SNAP91: variants seen among roughly 807,000 people sequenced by gnomAD.
SNAP91 encodes the protein synaptosome associated protein 91, also known as clathrin coat assembly protein AP180.
Under a neutral mutation model 100.3 loss-of-function variants are expected in SNAP91, and 27 were observed. That is an observed-to-expected ratio of 0.27 (90% CI 0.20 to 0.37). The LOEUF is 0.37. Among genes scored for constraint, SNAP91 ranks in the 10% least tolerant of loss-of-function variants. The probability of loss-of-function intolerance (pLI) is 1.00; values close to 1 mark genes in which losing one functional copy is unlikely to be tolerated. For synonymous variants in SNAP91, 404 were observed against 398.6 expected (o/e 1.01, Z -0.16); for missense variants, 986 against 1,123.7 (o/e 0.88, Z 1.75).
At chr6:83,555,062 T>C (rs1361780963) in intron 29 of SNAP91, among the ~76,000 whole-genome samples, 1 of 152,212 alleles carries the variant, frequency 6.6e-6, no homozygotes, top group Non-Finnish European at 1.5e-5. Flanking sequence ...CAGGCTGCTC[T>C]ATGCAGTTTC....
chr6:83,610,991 A>C (rs1562333015), intron 11 of SNAP91, among the ~76,000 whole-genome samples: 1 of 151,922 alleles, frequency 6.6e-6, no homozygotes, highest in Non-Finnish European at 1.5e-5. Context: ...TGAGTCAAAC[A>C]TTATTGCCTA....
chr6:83,699,061 G>C (rs1166611064), intron 2 of SNAP91, among the ~76,000 whole-genome samples: 1 of 152,092 alleles, frequency 6.6e-6, no homozygotes, highest in African/African-American at 2.4e-5. Flanking sequence ...TTCAACTTCA[G>C]GTGCTCTCAG....
At chr6:83,641,051 A>C in intron 8 of SNAP91, 45 bp downstream of exon 8, 2 of 1,124,578 alleles carry the variant, frequency 1.8e-6, no homozygotes, top group Non-Finnish European at 2.5e-6. Flanking sequence ...TACATGAGCA[A>C]ATATTTAAAA....
chr6:83,582,186 A>G, intron 23 of SNAP91, 36 bp downstream of exon 23: 1 of 1,609,632 alleles, frequency 6.2e-7, no homozygotes, highest in Non-Finnish European at 8.5e-7. Flanking sequence ...TATTACCAGG[A>G]CACATGAAAA....
chr6:83,662,450 C>T, intron 3 of SNAP91, 28 bp from the exon 4 acceptor site: 1 of 931,656 alleles, frequency 1.1e-6, no homozygotes, highest in South Asian at 2.3e-5. Context: ...GAATTAAACA[C>T]ACATTTTAAA....
rs570632703 is a variant in SNAP91, at chr6:83,620,857, A to G, written c.807+2444T>C. On this transcript the variant is annotated intron_variant, in intron 9 of 29. Coordinates refer to ENST00000369694, the MANE Select transcript of SNAP91 (RefSeq NM_001242792.2). ...CTCCCAAGTAGCCGGGACTACAGGC[A>G]CCCACCACCGCGCCCGGCTAATTTT... is the stretch of plus-strand genomic sequence containing the variant. Among the ~76,000 whole-genome samples the G allele has an allele frequency of 5.7e-4, 86 of 151,728 alleles. No homozygotes were observed. The East Asian group carries it at 0.015, about 27-fold the overall frequency.
intron 7 of SNAP91, among the ~76,000 whole-genome samples, chr6:83,654,233 G>A (rs984927695): frequency 3.9e-5 from 6 of 152,074 alleles, no homozygotes; most frequent in Non-Finnish European, 7.4e-5. Flanking sequence ...GCTTCCACTC[G>A]TGAGTCTCTG....
intron 24 of SNAP91, among the ~76,000 whole-genome samples, chr6:83,576,711 T>C (rs1185519247): frequency 6.6e-6 from 1 of 152,250 alleles, no homozygotes; most frequent in Non-Finnish European, 1.5e-5. Flanking sequence ...TCATCAGCCA[T>C]ATATCCTTCC....
chr6:83,647,004 C>G, intron 7 of SNAP91, among the ~76,000 whole-genome samples: 1 of 151,670 alleles, frequency 6.6e-6, no homozygotes, highest in East Asian at 1.9e-4. Flanking sequence ...GCTAGTATAT[C>G]AGAAAGCCAC....
intron 2 of SNAP91, among the ~76,000 whole-genome samples, chr6:83,686,537 T>C (rs939024139): frequency 8.5e-5 from 13 of 152,230 alleles, no homozygotes; most frequent in Non-Finnish European, 1.6e-4. Flanking sequence ...GCTAATAAAT[T>C]ACTGAAATTT....
Position 83,553,511 on chromosome 6 carries a change from C to T in SNAP91, c.*785G>A, listed in dbSNP as rs1432954632. 6.6e-6 allele frequency: 1 copy of T among 151,940 alleles called. No homozygotes were observed. The highest frequency in any genetic ancestry group is 1.9e-4 in the East Asian group (1 of 5,184). 9.4% of individuals were successfully genotyped at this position (151,940 alleles called of 1,614,324 possible). ...TTTCATGAACATGACACAAACAGAC[C>T]CTTTACTTTTCAGTGCATTTAATCA... On this transcript the variant is annotated 3_prime_UTR_variant, in exon 30 of 30. Coordinates refer to ENST00000369694, the MANE Select transcript of SNAP91 (RefSeq NM_001242792.2).
At chr6:83,708,434 CCCT>C (rs557361629) in intron 1 of SNAP91, 10 of 154,644 alleles carry the variant, frequency 6.5e-5, no homozygotes, top group East Asian at 1.9e-4. Context: ...CTGGCTGCCT[CCCT>C]CCTCCTCCTC....
intron 28 of SNAP91, among the ~76,000 whole-genome samples, chr6:83,557,609 G>C (rs1038525300): frequency 2.6e-5 from 4 of 152,118 alleles, no homozygotes; most frequent in Non-Finnish European, 5.9e-5. Flanking sequence ...AGGAGTTCAA[G>C]GCTGCAGTGA....
intron 25 of SNAP91, 77 bp from the exon 26 acceptor site, chr6:83,575,198 T>C (rs550860957): frequency 1.1e-5 from 11 of 995,942 alleles, no homozygotes; most frequent in African/African-American, 9.7e-5. Context: ...GCTCCTTAGA[T>C]TATTTTATTT....
chr6:83,705,641 C>T (rs894309475), intron 2 of SNAP91, among the ~76,000 whole-genome samples: 2 of 151,920 alleles, frequency 1.3e-5, no homozygotes, highest in African/African-American at 4.8e-5. Flanking sequence ...CCCATCTCTA[C>T]TAAAAAAAAT....
Position 83,553,687 on chromosome 6 carries a change from A to G in SNAP91, c.*609T>C, listed in dbSNP as rs1773898956. 6.6e-6 allele frequency: 1 copy of G among 152,152 alleles called. No individual in the cohort carries two copies. The highest frequency in any genetic ancestry group is 6.6e-5 in the Admixed American group (1 of 15,260). The allele number at this position is 152,152 out of a possible 1,614,324, so 9.4% of individuals were successfully genotyped here. A position where few individuals can be genotyped will look rare whatever the true frequency, so the allele number is the denominator to read the frequency against. ...CTTCAAAGAGAAGTATTTATTATGG[A>G]CGTTAACCTTTATATTTTTTAAAAT... On this transcript the variant is annotated 3_prime_UTR_variant, in exon 30 of 30. Coordinates refer to ENST00000369694, the MANE Select transcript of SNAP91 (RefSeq NM_001242792.2).
chr6:83,555,798 A>G (rs557149657), intron 29 of SNAP91, among the ~76,000 whole-genome samples: 1 of 152,178 alleles, frequency 6.6e-6, no homozygotes, highest in Non-Finnish European at 1.5e-5. Context: ...TCTAAATGCA[A>G]TAGTATAAAT....
rs749332792 is a variant in SNAP91, at chr6:83,569,686, A to C, written c.2442+5324T>G. On this transcript the variant is annotated intron_variant, in intron 26 of 29. Transcript: ENST00000369694. ...ATCTTGAATTCCCATGTGTTGTGGG[A>C]GGGCCTGGTGGGAGGTAATTGAATC... Among the ~76,000 whole-genome samples, 173 of 152,102 alleles carry C rather than the reference A, an allele frequency of 1.1e-3. 1 individual carries two copies. Among genetic ancestry groups the C allele is most frequent in the Non-Finnish European group, 2.2e-3 (149 of 68,000 alleles).
intron 25 of SNAP91, chr6:83,575,345 A>C (rs1816599765): frequency 1.9e-6 from 1 of 528,168 alleles, no homozygotes; most frequent in Admixed American, 3.5e-5. Context: ...TTTGGACCTC[A>C]ATAAGTATAG....
Sources: gnomAD v4.1 joint callset for allele counts (sites outside exome capture counted in the v4.1 genomes callset) on GRCh38, gnomAD v4.1.1 for gene constraint, MANE v1.5 for transcripts, NCBI Gene and HGNC (gene_info 2026-07-23, HGNC 2026-07-21) for gene names.